ZMYM2: variants seen among roughly 807,000 people sequenced by gnomAD.
The protein encoded by ZMYM2 is zinc finger MYM-type protein 2.
ZMYM2 carries 56 observed loss-of-function variants against 162.8 expected under a neutral mutation model. The ratio of observed to expected loss-of-function variants is 0.34; its 90% confidence interval spans 0.28 to 0.43. The LOEUF (loss-of-function observed/expected upper bound fraction) is 0.43, where lower values mean the gene tolerates loss of function less well. ZMYM2 is among the 20% of genes least tolerant of loss of function. The probability of loss-of-function intolerance (pLI) is 1.00; values close to 1 mark genes in which losing one functional copy is unlikely to be tolerated. For synonymous variants in ZMYM2, 510 were observed against 541.6 expected, an observed-to-expected ratio of 0.94 and a Z score of 0.81; for missense variants, 1,275 against 1,621.8, an observed-to-expected ratio of 0.79 and a Z score of 3.67.
At chr13:20,017,300 G>A (rs1298941173) in intron 6 of ZMYM2, among the ~76,000 whole-genome samples, 5 of 152,158 alleles carry the variant, frequency 3.3e-5, no homozygotes, top group Admixed American at 3.3e-4. Flanking sequence ...ATGGGATTAG[G>A]GTCTGTGGAG....
the ZMYM2 span, among the ~76,000 whole-genome samples, chr13:19,940,195 GAAGCATGAAAAGA>G: frequency 2.6e-5 from 4 of 152,120 alleles, no homozygotes; most frequent in African/African-American, 9.7e-5. Context: ...GAAAGAAAAG[GAAGCATGAAAAGA>G]AAGTGGTAGA....
chr13:20,052,449 C>A, intron 14 of ZMYM2, 138 bp downstream of exon 14: 1 of 665,066 alleles, frequency 1.5e-6, no homozygotes, highest in South Asian at 2.5e-5. Flanking sequence ...GAGTATTCAG[C>A]TGAATTATAT....
the ZMYM2 span, among the ~76,000 whole-genome samples, chr13:19,897,317 T>G: frequency 2.6e-5 from 4 of 152,192 alleles, no homozygotes; most frequent in African/African-American, 9.6e-5. Flanking sequence ...AGTCTTTAAT[T>G]TACACCCACT....
At chr13:19,978,961 A>G (rs1463720376) in intron 2 of ZMYM2, among the ~76,000 whole-genome samples, 1 of 152,004 alleles carries the variant, frequency 6.6e-6, no homozygotes, top group Non-Finnish European at 1.5e-5. Flanking sequence ...GCTTATTTGG[A>G]AATATCTTAG....
At chr13:19,951,874 C>T in the ZMYM2 span, among the ~76,000 whole-genome samples, 1 of 152,084 alleles carries the variant, frequency 6.6e-6, no homozygotes, top group Non-Finnish European at 1.5e-5. Context: ...ATCCAGTAAT[C>T]CCGCTAGTGA....
intron 14 of ZMYM2, among the ~76,000 whole-genome samples, chr13:20,057,758 G>A (rs1359975508): frequency 2.0e-5 from 3 of 152,150 alleles, no homozygotes; most frequent in African/African-American, 7.2e-5. Context: ...TGAAAACATT[G>A]CGACCAGAGG....
intron 3 of ZMYM2, among the ~76,000 whole-genome samples, chr13:19,995,577 C>G (rs1949957958): frequency 6.6e-6 from 1 of 152,040 alleles, no homozygotes; most frequent in African/African-American, 2.4e-5. Context: ...CGGGGTTTCA[C>G]CATGTTGGCC....
the ZMYM2 span, among the ~76,000 whole-genome samples, chr13:19,946,631 A>G: frequency 6.6e-6 from 1 of 152,186 alleles, no homozygotes; most frequent in African/African-American, 2.4e-5. Context: ...TATACATCCC[A>G]TGAGGGTAGG....
chr13:19,989,286 G>A (rs1422644949), intron 2 of ZMYM2, among the ~76,000 whole-genome samples: 1 of 152,032 alleles, frequency 6.6e-6, no homozygotes, highest in Non-Finnish European at 1.5e-5. Flanking sequence ...GTATTTATGA[G>A]TTACATGAGA....
At chr13:20,032,875 C>G (rs1953328158) in intron 10 of ZMYM2, among the ~76,000 whole-genome samples, 1 of 152,232 alleles carries the variant, frequency 6.6e-6, no homozygotes, top group South Asian at 2.1e-4. Flanking sequence ...TCCCAAAGTG[C>G]TGGGATCACA....
rs1958351123 is a variant in ZMYM2 at position 20,087,691 on chromosome 13, G to GTT, written c.*1680_*1681dup. ...ATAAAAAATTATAATGTTCTAACTTGTTTTATAAGTTGAATGACTTTTCAG... is the reference window on the plus strand; with the variant it reads ...ATAAAAAATTATAATGTTCTAACTTGTTTTTTATAAGTTGAATGACTTTTCAG... On this transcript the variant is annotated 3_prime_UTR_variant, in exon 25 of 25. Transcript: ENST00000610343. The GTT allele has an allele frequency of 5.4e-6, 1 of 185,356 alleles. No homozygotes were observed. The highest frequency in any genetic ancestry group is 1.1e-5 in the Non-Finnish European group (1 of 87,578). 11.5% of individuals were successfully genotyped at this position (185,356 alleles called of 1,614,324 possible).
intron 2 of ZMYM2, among the ~76,000 whole-genome samples, chr13:19,987,484 C>T (rs1474618111): frequency 1.3e-5 from 2 of 152,094 alleles, no homozygotes; most frequent in African/African-American, 4.8e-5. Context: ...AGGCTGGTCT[C>T]AAACTCATGA....
At chr13:20,032,682 C>T (rs1435136166) in intron 10 of ZMYM2, among the ~76,000 whole-genome samples, 2 of 134,614 alleles carry the variant, frequency 1.5e-5, no homozygotes, top group African/African-American at 2.8e-5. Flanking sequence ...GATCTTGGCT[C>T]ACTTCAACCT....
Position 19,993,377 on chromosome 13 carries a change from C to A in ZMYM2, c.305C>A (p.Ser102Tyr). 6.2e-7 allele frequency: 1 copy of A among 1,613,676 alleles called. No individual in the cohort carries two copies. The highest frequency in any genetic ancestry group is 1.7e-5 in the Admixed American group (1 of 59,950). Reference protein sequence around the residue: ...LQGNDSKITPSSKELASQKGS... With the variant: ...LQGNDSKITPYSKELASQKGS... Reference sequence around the variant, plus strand: ...GGAAATGATTCCAAAATTACTCCTTCCTCAAAAGAGTTGGCATCTCAGAAG... The same window carrying A: ...GGAAATGATTCCAAAATTACTCCTTACTCAAAAGAGTTGGCATCTCAGAAG... The change falls in exon 3 of 25, where the codon TCC becomes TAC. Residue 102 changes from serine (S) to tyrosine (Y), a missense_variant. By Grantham distance (144) the Ser-to-Tyr change is moderately radical (BLOSUM62 -2). This residue lies in a region of ZMYM2 where 295 missense variants were observed against 286.7 expected (regional missense o/e 1.03). Transcript: ENST00000610343.
chr13:19,910,647 A>G, the ZMYM2 span, among the ~76,000 whole-genome samples: 1 of 151,506 alleles, frequency 6.6e-6, no homozygotes, highest in Admixed American at 6.6e-5. Context: ...CCAGCCTAGG[A>G]CACACCTTTC....
chr13:20,002,398 A>G lies in ZMYM2; in HGVS notation c.848-452A>G, dbSNP rs373614852. Among the ~76,000 whole-genome samples, 8 of 152,310 alleles carry G rather than the reference A, an allele frequency of 5.3e-5. No homozygotes were observed. In the East Asian group the frequency reaches 1.2e-3, roughly 22 times the overall value. Reference sequence around the variant, plus strand: ...TTACCATTAGCATGAGGTTGATACCATTTCAGGCGCTCTGAAGAGTAAGGC... The same window carrying G: ...TTACCATTAGCATGAGGTTGATACCGTTTCAGGCGCTCTGAAGAGTAAGGC... On this transcript the variant is annotated intron_variant, in intron 3 of 24. Coordinates refer to ENST00000610343, the MANE Select transcript of ZMYM2 (RefSeq NM_197968.4).
chr13:19,922,626 C>T, the ZMYM2 span, among the ~76,000 whole-genome samples: 1 of 151,410 alleles, frequency 6.6e-6, no homozygotes, highest in East Asian at 2.0e-4. Context: ...GGGTGGATCA[C>T]GAGGTCAGGA....
At chr13:19,906,513 A>G in the ZMYM2 span, among the ~76,000 whole-genome samples, 1 of 142,514 alleles carries the variant, frequency 7.0e-6, no homozygotes, top group Non-Finnish European at 1.5e-5. Flanking sequence ...TTTGTTTTCT[A>G]TATATCACAC....
the ZMYM2 span, among the ~76,000 whole-genome samples, chr13:19,895,575 GC>G: frequency 1.3e-5 from 2 of 151,732 alleles, no homozygotes; most frequent in Admixed American, 6.6e-5. Flanking sequence ...TTCTTATAAA[GC>G]TGCCAGTTCC....
Sources: allele counts gnomAD v4.1 joint callset (sites outside exome capture counted in the v4.1 genomes callset), GRCh38; gene constraint gnomAD v4.1.1; regional missense constraint gnomAD v4.1.1; transcripts MANE v1.5; gene names NCBI Gene and HGNC (gene_info 2026-07-23, HGNC 2026-07-21).